RTL4: variants seen among roughly 807,000 people sequenced by gnomAD.
RTL4 encodes the protein retrotransposon Gag-like protein 4.
A neutral mutation model predicts 5.3 loss-of-function variants in RTL4; 4 were observed. The ratio of observed to expected loss-of-function variants is 0.75; its 90% CI spans 0.37 to 1.72. The LOEUF is 1.72. Ranked by LOEUF, RTL4 falls within the 40% of genes most tolerant of loss-of-function variation. RTL4 has a pLI of 0.04. For missense variants in RTL4, 260 were observed against 227.1 expected (o/e 1.14, Z -0.93); for synonymous variants, 98 against 87.3 (o/e 1.12, Z -0.68).
the RTL4 span, among the ~76,000 whole-genome samples, chrX:112,108,792 T>C: frequency 9.0e-6 from 1 of 111,256 alleles, no homozygotes; most frequent in African/African-American, 3.3e-5. Context: ...GAATTCATCC[T>C]GGTAGTAGTG....
chrX:112,244,947 C>A, the RTL4 span, among the ~76,000 whole-genome samples: 1 of 111,729 alleles, frequency 9.0e-6, no homozygotes, highest in East Asian at 2.8e-4. Flanking sequence ...TCCTCCTTCA[C>A]TTATGAAGCT....
chrX:112,368,476 T>G, the RTL4 span, among the ~76,000 whole-genome samples: 1 of 111,223 alleles, frequency 9.0e-6, no homozygotes, highest in Non-Finnish European at 1.9e-5. Flanking sequence ...GTTAACTAGA[T>G]AATTGGTTCT....
the RTL4 span, among the ~76,000 whole-genome samples, chrX:112,100,451 C>A: frequency 8.9e-6 from 1 of 111,817 alleles, no homozygotes; most frequent in East Asian, 2.8e-4. Flanking sequence ...AATGTATATA[C>A]GTGGAATGAT....
the RTL4 span, among the ~76,000 whole-genome samples, chrX:112,277,070 G>A: frequency 8.9e-6 from 1 of 111,739 alleles, no homozygotes; most frequent in Non-Finnish European, 1.9e-5. Flanking sequence ...TCAAGGTGCT[G>A]GTAAATTAAA....
chrX:112,312,972 T>A, the RTL4 span, among the ~76,000 whole-genome samples: 1 of 111,166 alleles, frequency 9.0e-6, no homozygotes, highest in South Asian at 3.8e-4. Flanking sequence ...CTAGATAGCC[T>A]GACCACCGTC....
chrX:112,152,775 T>C, the RTL4 span, among the ~76,000 whole-genome samples: 3 of 112,032 alleles, frequency 2.7e-5, no homozygotes, highest in African/African-American at 9.7e-5. Flanking sequence ...CTTTAGGTCT[T>C]TATTGTATTT....
At chrX:112,279,945 G>A in the RTL4 span, among the ~76,000 whole-genome samples, 160 of 111,469 alleles carry the variant, frequency 1.4e-3, no homozygotes, top group African/African-American at 4.8e-3. Flanking sequence ...CAAAGTTAAA[G>A]TAATCAAAGG....
the RTL4 span, among the ~76,000 whole-genome samples, chrX:112,168,772 T>A: frequency 8.9e-6 from 1 of 111,844 alleles, no homozygotes. Flanking sequence ...CCACCCTGTG[T>A]TTAGCATATA....
At chrX:112,343,486 A>G in the RTL4 span, among the ~76,000 whole-genome samples, 17 of 112,444 alleles carry the variant, frequency 1.5e-4, no homozygotes, top group African/African-American at 5.5e-4. Flanking sequence ...TGGAATGTTC[A>G]TAATAATTTT....
chrX:112,409,958 A>C, the RTL4 span, among the ~76,000 whole-genome samples: 2 of 110,977 alleles, frequency 1.8e-5, no homozygotes, highest in South Asian at 3.8e-4. Context: ...AAAAAACAAG[A>C]CTCAACAATG....
the RTL4 span, among the ~76,000 whole-genome samples, chrX:112,375,185 C>G: frequency 1.8e-5 from 2 of 110,964 alleles, no homozygotes; most frequent in Admixed American, 9.6e-5. Flanking sequence ...GACAGTTGCG[C>G]TTGTCATCCA....
At chrX:112,216,186 C>A in the RTL4 span, among the ~76,000 whole-genome samples, 1 of 111,687 alleles carries the variant, frequency 9.0e-6, no homozygotes, top group East Asian at 2.8e-4. Context: ...TACTGCCTTG[C>A]AAAGTAAAAT....
At chrX:112,204,470 G>A in the RTL4 span, among the ~76,000 whole-genome samples, 1 of 112,126 alleles carries the variant, frequency 8.9e-6, no homozygotes, top group South Asian at 3.7e-4. Flanking sequence ...TATATACAAT[G>A]GAGTACTGTT....
At chrX:112,284,287 T>C in the RTL4 span, among the ~76,000 whole-genome samples, 35 of 109,909 alleles carry the variant, frequency 3.2e-4, no homozygotes, top group African/African-American at 1.1e-3. Context: ...TGATGTGATA[T>C]ATGTGAAAAA....
At chrX:112,214,116 T>C in the RTL4 span, among the ~76,000 whole-genome samples, 3 of 111,546 alleles carry the variant, frequency 2.7e-5, no homozygotes, top group African/African-American at 9.8e-5. Flanking sequence ...GTATAGTAGA[T>C]CTCTAGGATG....
At chrX:112,168,524 G>A in the RTL4 span, among the ~76,000 whole-genome samples, 2 of 111,646 alleles carry the variant, frequency 1.8e-5, no homozygotes, top group Non-Finnish European at 3.8e-5. Flanking sequence ...ATGCAGTAAA[G>A]AAGCAGGCCC....
the RTL4 span, among the ~76,000 whole-genome samples, chrX:112,350,258 C>A: frequency 9.1e-6 from 1 of 109,853 alleles, no homozygotes; most frequent in Non-Finnish European, 1.9e-5. Context: ...CTGCTAGATT[C>A]GGTTTGCCAG....
At chrX:112,315,968 C>G in the RTL4 span, among the ~76,000 whole-genome samples, 1 of 111,958 alleles carries the variant, frequency 8.9e-6, no homozygotes, top group South Asian at 3.7e-4. Context: ...AGAAGAATTG[C>G]TGGGCCATAG....
At chrX:112,123,145 A>C in the RTL4 span, among the ~76,000 whole-genome samples, 5 of 112,069 alleles carry the variant, frequency 4.5e-5, no homozygotes, top group Non-Finnish European at 7.5e-5. Flanking sequence ...AGAAAGGGTC[A>C]TAATAAAATA....
Sources: gnomAD v4.1 joint callset for allele counts (sites outside exome capture counted in the v4.1 genomes callset) on GRCh38, gnomAD v4.1.1 for gene constraint, MANE v1.5 for transcripts, NCBI Gene and HGNC (gene_info 2026-07-23, HGNC 2026-07-21) for gene names.